Variants in HNRNPM observed in about 807,000 individuals in gnomAD.
HNRNPM encodes the protein heterogeneous nuclear ribonucleoprotein M.
A neutral mutation model predicts 73.1 loss-of-function variants in HNRNPM; 11 were observed. That is an observed-to-expected ratio of 0.15 (90% CI 0.09 to 0.25). HNRNPM has a LOEUF of 0.25. HNRNPM is among the 10% of genes least tolerant of loss of function. The pLI, the probability that HNRNPM is intolerant of heterozygous loss-of-function variation, is 1.00. For missense variants in HNRNPM, 789 were observed against 1,067.9 expected (o/e 0.74, Z 3.64); for synonymous variants, 407 against 355.2 (o/e 1.15, Z -1.64).
intron 12 of HNRNPM, among the ~76,000 whole-genome samples, chr19:8,478,313 G>A (rs1246842873): frequency 6.6e-6 from 1 of 152,166 alleles, no homozygotes; most frequent in East Asian, 1.9e-4. Flanking sequence ...GGTGGCTGTC[G>A]TGTGTATACA....
At chr19:8,484,766 A>C (rs948884142) in intron 13 of HNRNPM, among the ~76,000 whole-genome samples, 8 of 152,182 alleles carry the variant, frequency 5.3e-5, no homozygotes, top group Admixed American at 3.9e-4. Flanking sequence ...GGCAAGCGAC[A>C]GGGTTTCGGG....
rs74176651 is a variant in HNRNPM, at chr19:8,479,078, C to CTTTTTTTTTTTTTTTTTTTT, written c.1121-4075_1121-4056dup. ...ATTTCCTCCTCTTTTTTCTTTCTTT[C>CTTTTTTTTTTTTTTTTTTTT]TTTTTTTTTTTTTTTTTTTTTTTTC... is the stretch of plus-strand genomic sequence containing the variant. On this transcript the variant is annotated intron_variant, in intron 12 of 15. Coordinates refer to ENST00000325495, the MANE Select transcript of HNRNPM (RefSeq NM_005968.5). 6.6e-4 allele frequency among the ~76,000 whole-genome samples: 49 copies of CTTTTTTTTTTTTTTTTTTTT among 73,832 alleles called. 2 individuals are homozygous for CTTTTTTTTTTTTTTTTTTTT. The highest frequency in any genetic ancestry group is 8.1e-4 in the Non-Finnish European group (32 of 39,420). The allele number at this position is 73,832 out of a possible 152,430, so 48.4% of individuals were successfully genotyped here.
chr19:8,457,614 CAG>C (rs1457500422), intron 2 of HNRNPM, among the ~76,000 whole-genome samples: 4 of 152,254 alleles, frequency 2.6e-5, no homozygotes, highest in Non-Finnish European at 5.9e-5. Context: ...TAAAGTGACT[CAG>C]AAAGGTAATC....
In HNRNPM at chr19:8,465,255, T is replaced by A. The variant is rs1028400163; in HGVS notation, c.439-69T>A. Reference sequence around the variant, plus strand: ...CAGTTTCTAAGTCTTGAGAATATCATTTACTGTGCAAGCATGGTTTGCGTT... The same window carrying A: ...CAGTTTCTAAGTCTTGAGAATATCAATTACTGTGCAAGCATGGTTTGCGTT... On this transcript the variant is annotated intron_variant, in intron 5 of 15. Coordinates refer to ENST00000325495, the MANE Select transcript of HNRNPM (RefSeq NM_005968.5). 4 of 1,212,644 alleles carry A rather than the reference T, an allele frequency of 3.3e-6. No homozygotes were observed. In the Admixed American group the frequency reaches 1.0e-4, roughly 31 times the overall value. 75.1% of individuals were successfully genotyped at this position (1,212,644 alleles called of 1,614,324 possible).
chr19:8,482,043 G>C (rs1250701925), intron 12 of HNRNPM, among the ~76,000 whole-genome samples: 1 of 148,060 alleles, frequency 6.8e-6, no homozygotes, highest in Non-Finnish European at 1.5e-5. Flanking sequence ...CACGATCTCG[G>C]CTCACTGCAA....
At position 8,486,075 on chromosome 19, in the gene HNRNPM, TCGCATGGCCACCGGCCTGGAG is replaced by T. The variant is rs772956524; in HGVS notation, c.1655_1675del (p.Ala552_Met558del). On this transcript the variant is annotated inframe_deletion, in exon 14 of 16. Transcript: ENST00000325495. ...TGGAGCGCATGGGCCCCGTGATGGA[TCGCATGGCCACCGGCCTGGAG>T]CGCATGGGCGCCAACAATCTGGAGC... The T allele has an allele frequency of 5.0e-6, 8 of 1,602,918 alleles. No homozygotes were observed. Among genetic ancestry groups the T allele is most frequent in the Non-Finnish European group, 6.8e-6 (8 of 1,178,720 alleles).
At chr19:8,465,774 C>T (rs1665170831) in intron 6 of HNRNPM, among the ~76,000 whole-genome samples, 2 of 152,016 alleles carry the variant, frequency 1.3e-5, no homozygotes, top group African/African-American at 2.4e-5. Flanking sequence ...CTGCATTCTC[C>T]GTTGGTTTAT....
rs188633486 is a variant in HNRNPM at position 8,463,171 on chromosome 19, G to A, written c.337-326G>A. ...TTTAGGAGGAATATGGTAAGGACTCGATTGAGTACAGAGGGAAGCAGATCT... is the reference window on the plus strand; with the variant it reads ...TTTAGGAGGAATATGGTAAGGACTCAATTGAGTACAGAGGGAAGCAGATCT... On this transcript the variant is annotated intron_variant, in intron 3 of 15. Coordinates refer to ENST00000325495, the MANE Select transcript of HNRNPM (RefSeq NM_005968.5). Among the ~76,000 whole-genome samples, 152 of 152,298 alleles carry A rather than the reference G, an allele frequency of 1.0e-3. 3 individuals carry two copies. Among genetic ancestry groups the A allele is most frequent in the African/African-American group, 1.5e-3 (61 of 41,556 alleles).
At chr19:8,460,151 T>C (rs915785677) in intron 2 of HNRNPM, among the ~76,000 whole-genome samples, 7 of 152,242 alleles carry the variant, frequency 4.6e-5, no homozygotes, top group Non-Finnish European at 8.8e-5. Flanking sequence ...CTTCACTTCA[T>C]GGAATGTGAC....
chr19:8,481,924 T>G (rs748531134), intron 12 of HNRNPM, among the ~76,000 whole-genome samples: 9 of 151,424 alleles, frequency 5.9e-5, no homozygotes, highest in Non-Finnish European at 1.2e-4. Flanking sequence ...AAGAAGCAGC[T>G]GTGTGGGGTG....
intron 1 of HNRNPM, among the ~76,000 whole-genome samples, chr19:8,454,127 A>G (rs1968824102): frequency 6.6e-6 from 1 of 152,216 alleles, no homozygotes; most frequent in Non-Finnish European, 1.5e-5. Context: ...CATTTTAACC[A>G]TCTTAAGTGT....
At chr19:8,455,173 G>A (rs752188439) in intron 1 of HNRNPM, among the ~76,000 whole-genome samples, 1 of 151,958 alleles carries the variant, frequency 6.6e-6, no homozygotes, top group South Asian at 2.1e-4. Context: ...TTTTGACAGG[G>A]TCTTGCTATG....
In HNRNPM at chr19:8,475,837, G is replaced by A. The variant is rs1970462562; in HGVS notation, c.1120+1593G>A. On this transcript the variant is annotated intron_variant, in intron 12 of 15. Coordinates refer to ENST00000325495, the MANE Select transcript of HNRNPM (RefSeq NM_005968.5). ...AATCCCAACACTTTGGGAGGCTGGG[G>A]TAAGAGGATTGCTTGAGCTCAGGAG... Among the ~76,000 whole-genome samples the A allele has an allele frequency of 2.0e-5, 3 of 152,032 alleles. No homozygotes were observed. In the South Asian group the frequency reaches 6.2e-4, roughly 31 times the overall value.
At chr19:8,482,969 G>A (rs1309965470) in intron 12 of HNRNPM, 189 bp from the exon 13 acceptor site, 4 of 556,558 alleles carry the variant, frequency 7.2e-6, no homozygotes, top group South Asian at 4.8e-5. Context: ...TCTTGGCATC[G>A]TGACCCAGCA....
intron 1 of HNRNPM, among the ~76,000 whole-genome samples, chr19:8,454,219 A>G (rs913223399): frequency 6.6e-6 from 1 of 152,226 alleles, no homozygotes; most frequent in African/African-American, 2.4e-5. Flanking sequence ...TATGCTCAGT[A>G]TTTAATAACT....
In HNRNPM at chr19:8,486,052, G is replaced by T. The variant is rs1445235829; in HGVS notation, c.1624G>T (p.Glu542Ter). 1 of 1,606,586 alleles carries T rather than the reference G, an allele frequency of 6.2e-7. No homozygotes were observed. The highest frequency in any genetic ancestry group is 8.5e-7 in the Non-Finnish European group (1 of 1,179,646). The change falls in exon 14 of 16, where the codon GAG becomes TAG. Residue 542 changes from glutamate (E) to a stop codon, truncating the protein, a stop_gained. Transcript: ENST00000325495. LOFTEE classifies it high-confidence loss of function. ...GCCCGCAGGTATGGGAGCTGGCCTG[G>T]AGCGCATGGGCCCCGTGATGGATCG... ...MVPAGMGAGLERMGPVMDRMA... is the reference protein window; with the variant it reads ...MVPAGMGAGL
chr19:8,452,897 G>A (rs1340837653), intron 1 of HNRNPM, among the ~76,000 whole-genome samples: 1 of 152,184 alleles, frequency 6.6e-6, no homozygotes, highest in African/African-American at 2.4e-5. Flanking sequence ...CTGGAGTGCA[G>A]TGGTGCAATC....
chr19:8,472,203 A>T (rs1275543410), intron 10 of HNRNPM, among the ~76,000 whole-genome samples: 1 of 151,288 alleles, frequency 6.6e-6, no homozygotes, highest in South Asian at 2.1e-4. Context: ...CCTGCATGAA[A>T]GCTTTGATGT....
chr19:8,455,599 G>A, intron 2 of HNRNPM, 25 bp downstream of exon 2: 2 of 1,591,932 alleles, frequency 1.3e-6, no homozygotes, highest in South Asian at 2.2e-5. Flanking sequence ...GATTGAGTAG[G>A]GTGAGAAGGT....
Sources: gnomAD v4.1 joint callset for allele counts (sites outside exome capture counted in the v4.1 genomes callset) on GRCh38, gnomAD v4.1.1 for gene constraint, MANE v1.5 for transcripts, NCBI Gene and HGNC (gene_info 2026-07-23, HGNC 2026-07-21) for gene names.